The following TLN2 variants were observed in gnomAD, a reference collection of about 807,000 sequenced individuals.
TLN2 encodes talin 2, also known as talin-2.
Under a neutral mutation model 294.7 loss-of-function variants are expected in TLN2, and 118 were observed. The ratio of observed to expected loss-of-function variants is 0.40; its 90% CI spans 0.34 to 0.47. The LOEUF (loss-of-function observed/expected upper bound fraction) is 0.47. Among genes scored for constraint, TLN2 ranks in the 20% least tolerant of loss-of-function variants. The pLI is 0.84. For synonymous variants in TLN2, 1,431 were observed against 1,304.5 expected (o/e 1.10, Z -2.09); for missense variants, 3,083 against 3,282.2 (o/e 0.94, Z 1.48).
intron 54 of TLN2, chr15:62,830,817 G>A (rs1229611415): frequency 6.6e-6 from 1 of 152,114 alleles, no homozygotes; most frequent in African/African-American, 2.4e-5. Flanking sequence ...CCATCCCTGT[G>A]CCATCCCAGT....
At chr15:62,689,230 A>T (rs1165611688) in intron 12 of TLN2, among the ~76,000 whole-genome samples, 2 of 152,138 alleles carry the variant, frequency 1.3e-5, no homozygotes, top group Non-Finnish European at 2.9e-5. Context: ...GTCTACTGGT[A>T]ATGGCTTTTC....
intron 2 of TLN2, among the ~76,000 whole-genome samples, chr15:62,599,037 T>C (rs1281028252): frequency 6.6e-6 from 1 of 152,178 alleles, no homozygotes; most frequent in African/African-American, 2.4e-5. Flanking sequence ...GGGGTGGCTG[T>C]GGATGGAGTT....
chr15:62,727,110 G>T lies in TLN2; in HGVS notation c.3279G>T (p.Leu1093=). 2 of 1,614,136 alleles carry T rather than the reference G, an allele frequency of 1.2e-6. No homozygotes were observed. The highest frequency in any genetic ancestry group is 1.7e-6 in the Non-Finnish European group (2 of 1,180,018). The part of the protein sequence containing the change: ...GETLEKCAQD[L]GSTSKAVGSS... The stretch of plus-strand genomic sequence containing the variant: ...AGCTGGAAAAATGTGCTCAGGACCT[G>T]GGAAGCACATCCAAGGCGGTGGGCT... Residue 1093 remains leucine (L), a synonymous_variant, in exon 28 of 59, where the codon CTG becomes CTT. Transcript: ENST00000636159.
At chr15:62,745,241 A>C (rs2061549412) in intron 32 of TLN2, among the ~76,000 whole-genome samples, 1 of 152,206 alleles carries the variant, frequency 6.6e-6, no homozygotes, top group Non-Finnish European at 1.5e-5. Context: ...AGATGAAAAC[A>C]CTATCTCTGT....
intron 1 of TLN2, among the ~76,000 whole-genome samples, chr15:62,451,057 A>G (rs1385805399): frequency 6.7e-6 from 1 of 150,234 alleles, no homozygotes; most frequent in Non-Finnish European, 1.5e-5. Context: ...TGATTGTCCT[A>G]CCTTGGCCTC....
In TLN2 at chr15:62,820,478, G is replaced by A; in HGVS notation, c.6878-8G>A. ...ATGAAGAATCACCTTCTTTTGGACT[G>A]ATTCTAGGAACAGAGTGGGTGGATC... is the stretch of plus-strand genomic sequence containing the variant. On this transcript the variant is annotated splice_polypyrimidine_tract_variant and splice_region_variant and intron_variant, in intron 53 of 58. Coordinates refer to ENST00000636159, the MANE Select transcript of TLN2 (RefSeq NM_015059.3). The A allele has an allele frequency of 6.2e-7, 1 of 1,613,564 alleles. No individual in the cohort carries two copies. The highest frequency in any genetic ancestry group is 8.5e-7 in the Non-Finnish European group (1 of 1,179,736).
intron 26 of TLN2, among the ~76,000 whole-genome samples, chr15:62,724,427 G>A (rs1015527911): frequency 6.6e-6 from 1 of 152,204 alleles, no homozygotes; most frequent in Admixed American, 6.5e-5. Context: ...AGCATTTGGA[G>A]ATCAGTGTTA....
intron 1 of TLN2, among the ~76,000 whole-genome samples, chr15:62,510,384 G>A (rs951845728): frequency 2.0e-5 from 3 of 152,218 alleles, no homozygotes; most frequent in African/African-American, 7.2e-5. Flanking sequence ...ATCATTCTGA[G>A]CTTCAGTTCC....
At chr15:62,536,667 G>A (rs1415430332) in intron 1 of TLN2, among the ~76,000 whole-genome samples, 1 of 152,204 alleles carries the variant, frequency 6.6e-6, no homozygotes, top group East Asian at 1.9e-4. Context: ...CTGTGGGCAT[G>A]AAGGAAGAGA....
chr15:62,740,885 G>A, intron 32 of TLN2, 116 bp downstream of exon 32: 1 of 1,339,184 alleles, frequency 7.5e-7, no homozygotes, highest in South Asian at 1.4e-5. Context: ...CTGTCCTTAG[G>A]TCATGGGAGG....
At chr15:62,469,615 A>AC (rs1042728002) in intron 1 of TLN2, among the ~76,000 whole-genome samples, 19 of 148,868 alleles carry the variant, frequency 1.3e-4, no homozygotes, top group Admixed American at 2.7e-4. Context: ...GCAAAGAAAA[A>AC]CTCTCCTCTT....
Position 62,697,862 on chromosome 15 carries a change from G to T in TLN2, c.1467G>T (p.Pro489=). 6.2e-7 allele frequency: 1 copy of T among 1,611,778 alleles called. No homozygotes were observed. Among genetic ancestry groups the T allele is most frequent in the Admixed American group, 1.7e-5 (1 of 59,952 alleles). The change falls in exon 15 of 59, where the codon CCG becomes CCT. Residue 489 remains proline, a synonymous_variant. Transcript: ENST00000636159. The part of the protein sequence containing the change: ...MVGQMHRGHM[P]PLTSAQQALM... ...GGCAGATGCACCGAGGCCACATGCCGCCACTGGTGAGGCTTCCTGTGCTCG... is the reference window on the plus strand; with the variant it reads ...GGCAGATGCACCGAGGCCACATGCCTCCACTGGTGAGGCTTCCTGTGCTCG...
At chr15:62,612,958 T>C (rs4775519) in intron 2 of TLN2, among the ~76,000 whole-genome samples, 68,354 of 152,108 alleles carry the variant, frequency 0.45, 15,713 homozygotes, top group East Asian at 0.57. Flanking sequence ...CACAGGATTA[T>C]GTATTGTAAA....
intron 55 of TLN2, chr15:62,835,313 T>C (rs570697953): frequency 1.0e-5 from 2 of 192,680 alleles, no homozygotes; most frequent in Non-Finnish European, 2.2e-5. Context: ...AAACGCAGTG[T>C]GGTTTTCAGG....
At chr15:62,582,246 A>ACACACACCCACACC (rs764248336) in intron 1 of TLN2, among the ~76,000 whole-genome samples, 2 of 137,310 alleles carry the variant, frequency 1.5e-5, no homozygotes, top group South Asian at 5.0e-4. Context: ...ACACACACAC[A>ACACACACCCACACC]CATTCATGCC....
At chr15:62,746,136 C>G (rs1043758698) in intron 32 of TLN2, among the ~76,000 whole-genome samples, 3 of 149,134 alleles carry the variant, frequency 2.0e-5, no homozygotes, top group African/African-American at 7.5e-5. Context: ...ATGGAAGAAA[C>G]TTTTATATAG....
At chr15:62,395,484 C>T (rs2032471269) in intron 1 of TLN2, among the ~76,000 whole-genome samples, 1 of 152,096 alleles carries the variant, frequency 6.6e-6, no homozygotes, top group Non-Finnish European at 1.5e-5. Context: ...AATTCTCAGA[C>T]CATTGATATA....
At chr15:62,607,696 CCT>C (rs928703007) in intron 2 of TLN2, among the ~76,000 whole-genome samples, 4 of 152,260 alleles carry the variant, frequency 2.6e-5, no homozygotes, top group African/African-American at 9.6e-5. Flanking sequence ...TTATTTGACC[CCT>C]GTGTGGAAAA....
chr15:62,429,886 G>T (rs904905592), intron 1 of TLN2, among the ~76,000 whole-genome samples: 1 of 152,110 alleles, frequency 6.6e-6, no homozygotes, highest in Non-Finnish European at 1.5e-5. Flanking sequence ...GAGAACTGTC[G>T]TGTCCTTTCA....
Sources: allele counts gnomAD v4.1 joint callset (sites outside exome capture counted in the v4.1 genomes callset), GRCh38; gene constraint gnomAD v4.1.1; transcripts MANE v1.5; gene names NCBI Gene and HGNC (gene_info 2026-07-23, HGNC 2026-07-21).